Variants in LSM11 observed in about 807,000 individuals in gnomAD.
LSM11 encodes U7 snRNA-associated Sm-like protein LSm11.
Under a neutral mutation model 28.1 loss-of-function variants are expected in LSM11, and 14 were observed. The ratio of observed to expected loss-of-function variants is 0.50; its 90% CI spans 0.33 to 0.78. The LOEUF (loss-of-function observed/expected upper bound fraction) is 0.78, where lower values mean the gene tolerates loss of function less well. Among genes scored for constraint, LSM11 ranks in the 30% least tolerant of loss-of-function variants. The pLI is 0.02. For missense variants in LSM11, 495 were observed against 510.6 expected (o/e 0.97, Z 0.30); for synonymous variants, 207 against 214.2 (o/e 0.97, Z 0.30).
At position 157,755,100 on chromosome 5, in the gene LSM11, T is replaced by C; in HGVS notation, c.919T>C (p.Ser307Pro). ...AGGGAGGACTACACGGACAGACGGC[T>C]CCAGTGTGGGAGGTACCTTTTCCAG... ...LSGRTTRTDG[S>P]SVGGTFSRAT... The change falls in exon 4 of 4, where the codon TCC becomes CCC. Residue 307 changes from serine to proline, a missense_variant. Transcript: ENST00000286307. 6.2e-7 allele frequency: 1 copy of C among 1,614,178 alleles called. No individual in the cohort carries two copies. Among genetic ancestry groups the C allele is most frequent in the Non-Finnish European group, 8.5e-7 (1 of 1,180,030 alleles).
Position 157,751,385 on chromosome 5 carries a change from T to G in LSM11, c.449-5T>G. ...ACTGTCCTGACTGTTCTTCTCTTGTTTCAGTGCACGAAGGCAGCCCTCTGG... is the reference window on the plus strand; with the variant it reads ...ACTGTCCTGACTGTTCTTCTCTTGTGTCAGTGCACGAAGGCAGCCCTCTGG... On this transcript the variant is annotated splice_region_variant and splice_polypyrimidine_tract_variant and intron_variant, in intron 1 of 3. Transcript: ENST00000286307. The G allele has an allele frequency of 6.3e-7, 1 of 1,578,428 alleles. No homozygotes were observed. The highest frequency in any genetic ancestry group is 8.6e-7 in the Non-Finnish European group (1 of 1,165,516).
At chr5:157,749,248 A>T (rs572973878) in intron 1 of LSM11, among the ~76,000 whole-genome samples, 3 of 152,304 alleles carry the variant, frequency 2.0e-5, no homozygotes, top group African/African-American at 7.2e-5. Flanking sequence ...GAAAGAAGTA[A>T]TGTCCCTGTT....
At chr5:157,747,682 T>C (rs1761167603) in intron 1 of LSM11, 1 of 155,230 alleles carries the variant, frequency 6.4e-6, no homozygotes, top group Admixed American at 6.5e-5. Flanking sequence ...TAAAGTGATA[T>C]TCTTTGGATA....
In LSM11 at chr5:157,754,888, A is replaced by G; in HGVS notation, c.707A>G (p.Lys236Arg). ...CGGCTGAAACTTCAAGATTCCTCCAAGAAGGAAGCAGATTCTAAGTCTGCA... is the reference window on the plus strand; with the variant it reads ...CGGCTGAAACTTCAAGATTCCTCCAGGAAGGAAGCAGATTCTAAGTCTGCA... ...FDRLKLQDSS[K>R]KEADSKSAVE... Residue 236 changes from lysine to arginine, a missense_variant, in exon 4 of 4, where the codon AAG becomes AGG. Lys to Arg is a conservative substitution (Grantham distance 26). Transcript: ENST00000286307. 1.2e-6 allele frequency: 2 copies of G among 1,614,020 alleles called. No individual in the cohort carries two copies. Among genetic ancestry groups the G allele is most frequent in the Non-Finnish European group, 1.7e-6 (2 of 1,179,942 alleles).
In LSM11 at chr5:157,755,388, C is replaced by A; in HGVS notation, c.*124C>A. ...CCTCTGGTCCTGCATATGCAGAGGA[C>A]GGAGCAGGCTCAGCCCCCTGGAAGA... On this transcript the variant is annotated 3_prime_UTR_variant, in exon 4 of 4. Coordinates refer to ENST00000286307, the MANE Select transcript of LSM11 (RefSeq NM_173491.4). 3 of 1,098,132 alleles carry A rather than the reference C, an allele frequency of 2.7e-6. No homozygotes were observed. The highest frequency in any genetic ancestry group is 3.8e-6 in the Non-Finnish European group (3 of 779,628). 68.0% of individuals were successfully genotyped at this position (1,098,132 alleles called of 1,614,324 possible).
rs969499998 is a variant in LSM11, at chr5:157,755,747, C to T, written c.*483C>T. On this transcript the variant is annotated 3_prime_UTR_variant, in exon 4 of 4. Coordinates refer to ENST00000286307, the MANE Select transcript of LSM11 (RefSeq NM_173491.4). ...TAACTAACTTTTGAATTTTGCCTGA[C>T]ATGATTCTCTCTTGATGAAGAAATG... The T allele has an allele frequency of 9.9e-6, 4 of 402,238 alleles. No individual in the cohort carries two copies. The highest frequency in any genetic ancestry group is 8.2e-5 in the African/African-American group (4 of 48,602). 24.9% of individuals were successfully genotyped at this position (402,238 alleles called of 1,614,324 possible).
chr5:157,744,315 C>T, intron 1 of LSM11, 117 bp downstream of exon 1: 1 of 797,778 alleles, frequency 1.3e-6, no homozygotes, highest in Non-Finnish European at 1.7e-6. Flanking sequence ...GCGGGAGCGC[C>T]TTGGTGAAAA....
intron 1 of LSM11, among the ~76,000 whole-genome samples, chr5:157,748,463 A>G (rs569854647): frequency 6.6e-6 from 1 of 152,300 alleles, no homozygotes; most frequent in South Asian, 2.1e-4. Flanking sequence ...TTTCTTGTGT[A>G]AGAGCATGTA....
chr5:157,752,843 C>CA (rs553164268), intron 2 of LSM11, among the ~76,000 whole-genome samples: 1,248 of 103,096 alleles, frequency 0.012, 21 homozygotes, highest in African/African-American at 0.031. Context: ...GAGACTCTGT[C>CA]AAAAAAAAAA....
At position 157,750,572 on chromosome 5, in the gene LSM11, G is replaced by T. The variant is rs568650904; in HGVS notation, c.449-818G>T. ...CAGTGAGTCCAGAAAGCTTGTGCATGGAGTAGCTTTGGTGGGGTCAAAGGC... is the reference window on the plus strand; with the variant it reads ...CAGTGAGTCCAGAAAGCTTGTGCATTGAGTAGCTTTGGTGGGGTCAAAGGC... On this transcript the variant is annotated intron_variant, in intron 1 of 3. Transcript: ENST00000286307. Among the ~76,000 whole-genome samples, 21 of 152,326 alleles carry T rather than the reference G, an allele frequency of 1.4e-4. No individual in the cohort carries two copies. In the South Asian group the frequency reaches 4.4e-3, roughly 32 times the overall value.
chr5:157,746,633 G>C (rs1045404547), intron 1 of LSM11, among the ~76,000 whole-genome samples: 5 of 152,214 alleles, frequency 3.3e-5, no homozygotes, highest in African/African-American at 9.7e-5. Context: ...AAAGTAGCCA[G>C]GCACAGTGGC....
Position 157,755,206 on chromosome 5 carries a change from A to T in LSM11, c.1025A>T (p.His342Leu), listed in dbSNP as rs148756494. ...GATTACCAGCAGGTATTCACTCGAC[A>T]CATAAATCAGATTTTCATTCGAGGC... ...KVDYQQVFTR[H>L]INQIFIRGEN... The change falls in exon 4 of 4, where the codon CAC becomes CTC. Residue 342 changes from histidine to leucine, a missense_variant. Coordinates refer to ENST00000286307, the MANE Select transcript of LSM11 (RefSeq NM_173491.4). The T allele has an allele frequency of 5.0e-6, 8 of 1,614,236 alleles. No homozygotes were observed. Among genetic ancestry groups the T allele is most frequent in the Non-Finnish European group, 6.8e-6 (8 of 1,180,048 alleles).
intron 1 of LSM11, among the ~76,000 whole-genome samples, chr5:157,748,101 T>G (rs1017077107): frequency 2.6e-5 from 4 of 152,040 alleles, no homozygotes; most frequent in African/African-American, 7.2e-5. Context: ...GATTCAAACA[T>G]TGTACTTTCA....
intron 1 of LSM11, among the ~76,000 whole-genome samples, chr5:157,749,429 T>G (rs1761192860): frequency 6.6e-6 from 1 of 152,246 alleles, no homozygotes; most frequent in East Asian, 1.9e-4. Context: ...ACAAGTTAAC[T>G]ATCTTAACCT....
In LSM11 at chr5:157,759,507, A is replaced by G. The variant is rs1193638902; in HGVS notation, c.*4243A>G. 6.6e-6 allele frequency: 1 copy of G among 152,210 alleles called. No homozygotes were observed. Among genetic ancestry groups the G allele is most frequent in the East Asian group, 1.9e-4 (1 of 5,202 alleles). 9.4% of individuals were successfully genotyped at this position (152,210 alleles called of 1,614,324 possible). The stretch of plus-strand genomic sequence containing the variant: ...AAATTAAAACTATTCAATGACAGCT[A>G]GCTGTCACTGGTGCTACCCCAAAGC... On this transcript the variant is annotated 3_prime_UTR_variant, in exon 4 of 4. Coordinates refer to ENST00000286307, the MANE Select transcript of LSM11 (RefSeq NM_173491.4).
rs781042910 is a variant in LSM11 at position 157,743,970 on chromosome 5, C to T, written c.220C>T (p.Arg74Cys). The change falls in exon 1 of 4, where the codon CGC becomes TGC. Residue 74 changes from arginine (R) to cysteine (C), a missense_variant. Transcript: ENST00000286307. ...RTGVRGGGRG[R>C]GRARGAAAGS... is the part of the protein sequence containing the mutation. ...CGGAGTCCGGGGCGGCGGGCGCGGG[C>T]GCGGGCGGGCTCGGGGCGCGGCCGC... 3.9e-6 allele frequency: 5 copies of T among 1,283,100 alleles called. No homozygotes were observed. In the South Asian group the frequency reaches 1.3e-4, roughly 34 times the overall value. 79.5% of individuals were successfully genotyped at this position (1,283,100 alleles called of 1,614,324 possible). A position where few individuals can be genotyped will look rare whatever the true frequency, so the allele number is the denominator to read the frequency against.
chr5:157,748,989 T>C (rs1456333414), intron 1 of LSM11, among the ~76,000 whole-genome samples: 1 of 152,140 alleles, frequency 6.6e-6, no homozygotes, highest in African/African-American at 2.4e-5. Flanking sequence ...TGATTCAGAA[T>C]GGGGAGCTCA....
intron 2 of LSM11, among the ~76,000 whole-genome samples, chr5:157,753,738 G>A (rs977685143): frequency 1.3e-5 from 2 of 152,156 alleles, no homozygotes; most frequent in Admixed American, 1.3e-4. Flanking sequence ...CTTGCACACT[G>A]AAATTTAAGA....
At position 157,749,709 on chromosome 5, in the gene LSM11, T is replaced by C. The variant is rs1213485400; in HGVS notation, c.449-1681T>C. The stretch of plus-strand genomic sequence containing the variant: ...GATGGTCAGACCAGAATTCTCATGG[T>C]CTTTTCCAAAGTCACTGCTTCGTGT... On this transcript the variant is annotated intron_variant, in intron 1 of 3. Coordinates refer to ENST00000286307, the MANE Select transcript of LSM11 (RefSeq NM_173491.4). Among the ~76,000 whole-genome samples, 4 of 152,244 alleles carry C rather than the reference T, an allele frequency of 2.6e-5. No homozygotes were observed. The South Asian group carries it at 6.2e-4, about 24-fold the overall frequency.
Sources: allele counts gnomAD v4.1 joint callset (sites outside exome capture counted in the v4.1 genomes callset), GRCh38; gene constraint gnomAD v4.1.1; transcripts MANE v1.5; gene names NCBI Gene and HGNC (gene_info 2026-07-23, HGNC 2026-07-21).